PRKACG: variants seen among roughly 807,000 people sequenced by gnomAD.
The protein encoded by PRKACG is protein kinase cAMP-activated catalytic subunit gamma.
PRKACG carries 24 observed loss-of-function variants against 25.6 expected under a neutral mutation model. The ratio of observed to expected loss-of-function variants is 0.94; its 90% confidence interval spans 0.68 to 1.32. The LOEUF (loss-of-function observed/expected upper bound fraction) is 1.32, where lower values mean the gene tolerates loss of function less well. Among genes scored for constraint, PRKACG ranks in the 40% most tolerant of loss-of-function variants. The probability of loss-of-function intolerance (pLI) is 0.00; values close to 1 mark genes in which losing one functional copy is unlikely to be tolerated. For synonymous variants in PRKACG, 202 were observed against 195.9 expected (o/e 1.03, Z -0.26); for missense variants, 481 against 462.9 (o/e 1.04, Z -0.36).
Position 69,013,103 on chromosome 9 carries a change from GT to G in PRKACG, c.989del (p.Asp330AlafsTer59). 6.2e-7 allele frequency: 1 copy of G among 1,614,202 alleles called. No homozygotes were observed. The highest frequency in any genetic ancestry group is 8.5e-7 in the Non-Finnish European group (1 of 1,180,050). On this transcript the variant is annotated frameshift_variant, in exon 1 of 1. Transcript: ENST00000377276. LOFTEE classifies it high-confidence loss of function. ...TGPGDASNFD[D>X]YEEEELRISI... ...AGATCCGGAGCTCTTCCTCCTCGTA[GT>G]CGTCAAAGTTACTGGCATCCCCAGG...
In PRKACG at chr9:69,013,064, C is replaced by T; in HGVS notation, c.1029G>A (p.Lys343=). The T allele has an allele frequency of 6.2e-7, 1 of 1,614,186 alleles. No homozygotes were observed. The highest frequency in any genetic ancestry group is 8.5e-7 in the Non-Finnish European group (1 of 1,180,040). ...AAAACTCAGAAAACTCCTTGGCACACTTCTCATTGATGGAGATCCGGAGCT... is the reference window on the plus strand; with the variant it reads ...AAAACTCAGAAAACTCCTTGGCACATTTCTCATTGATGGAGATCCGGAGCT... The part of the protein sequence containing the change: ...EEELRISINE[K]CAKEFSEF Residue 343 remains lysine (K), a synonymous_variant, in exon 1 of 1, where the codon AAG becomes AAA. Coordinates refer to ENST00000377276, the MANE Select transcript of PRKACG (RefSeq NM_002732.4).
Position 69,013,953 on chromosome 9 carries a change from A to G in PRKACG, c.140T>C (p.Leu47Pro). 2 of 1,613,728 alleles carry G rather than the reference A, an allele frequency of 1.2e-6. No homozygotes were observed. Among genetic ancestry groups the G allele is most frequent in the Non-Finnish European group, 1.7e-6 (2 of 1,179,974 alleles). Residue 47 changes from leucine to proline, a missense_variant, in exon 1 of 1, where the codon CTC becomes CCC. Physicochemically the swap from Leu to Pro is moderately conservative, Grantham distance 98. Coordinates refer to ENST00000377276, the MANE Select transcript of PRKACG (RefSeq NM_002732.4). ...GAAGGAGCCCATGCCCAGCGTCCTGAGCCGTTCGAACTGATCCGAGCTGGC... is the reference window on the plus strand; with the variant it reads ...GAAGGAGCCCATGCCCAGCGTCCTGGGCCGTTCGAACTGATCCGAGCTGGC... The part of the protein sequence containing the change: ...NTASSDQFER[L>P]RTLGMGSFGR...
In PRKACG at chr9:69,013,391, C is replaced by G. The variant is rs1443672520; in HGVS notation, c.702G>C (p.Val234=). ...GGTCGGCGTAGAAGGGTGGGAAGCC[C>G]ACGGCCATCTCATAGATGAGCACCC... ...ALGVLIYEMA[V]GFPPFYADQP... is the part of the protein sequence containing the mutation. The change falls in exon 1 of 1, where the codon GTG becomes GTC. Residue 234 remains valine (V), a synonymous_variant. Transcript: ENST00000377276. 1 of 1,613,582 alleles carries G rather than the reference C, an allele frequency of 6.2e-7. No homozygotes were observed. Among genetic ancestry groups the G allele is most frequent in the Non-Finnish European group, 8.5e-7 (1 of 1,180,006 alleles).
chr9:69,013,751 G>A lies in PRKACG; in HGVS notation c.342C>T (p.Asn114=), dbSNP rs1353253816. ...LVKLQFSFKD[N]SYLYLVMEYV... ...ACTCCATCACCAGGTACAGGTAGGAGTTGTCCTTAAAGGAGAACTGGAGCT... is the reference window on the plus strand; with the variant it reads ...ACTCCATCACCAGGTACAGGTAGGAATTGTCCTTAAAGGAGAACTGGAGCT... Residue 114 remains asparagine (N), a synonymous_variant, in exon 1 of 1, where the codon AAC becomes AAT. Transcript: ENST00000377276. The A allele has an allele frequency of 1.2e-6, 2 of 1,614,094 alleles. No individual in the cohort carries two copies. The highest frequency in any genetic ancestry group is 1.1e-5 in the South Asian group (1 of 91,088).
At position 69,013,117 on chromosome 9, in the gene PRKACG, T is replaced by C. The variant is rs199894106; in HGVS notation, c.976A>G (p.Ser326Gly). 6.2e-7 allele frequency: 1 copy of C among 1,614,210 alleles called. No homozygotes were observed. Among genetic ancestry groups the C allele is most frequent in the Non-Finnish European group, 8.5e-7 (1 of 1,180,036 alleles). Residue 326 changes from serine to glycine, a missense_variant, in exon 1 of 1, where the codon AGT (serine) becomes GGT (glycine). Ser to Gly is a moderately conservative substitution (Grantham distance 56). Transcript: ENST00000377276. Reference protein sequence around the residue: ...IPKYTGPGDASNFDDYEEEEL... With the variant: ...IPKYTGPGDAGNFDDYEEEEL... The stretch of plus-strand genomic sequence containing the variant: ...TCCTCCTCGTAGTCGTCAAAGTTAC[T>C]GGCATCCCCAGGGCCTGTGTACTTC...
Position 69,013,208 on chromosome 9 carries a change from G to T in PRKACG, c.885C>A (p.His295Gln). 6.2e-7 allele frequency: 1 copy of T among 1,614,158 alleles called. No homozygotes were observed. Among genetic ancestry groups the T allele is most frequent in the Non-Finnish European group, 8.5e-7 (1 of 1,180,028 alleles). ...LRNGVGDIKN[H>Q]KWFATTSWIA... Reference sequence around the variant, plus strand: ...TCCAGCTGGTTGTGGCGAACCACTTGTGGTTCTTGATGTCGCCAACCCCGT... The same window carrying T: ...TCCAGCTGGTTGTGGCGAACCACTTTTGGTTCTTGATGTCGCCAACCCCGT... The change falls in exon 1 of 1, where the codon CAC becomes CAA. Residue 295 changes from histidine (H) to glutamine (Q), a missense_variant. By Grantham distance (24) the His-to-Gln change is conservative (BLOSUM62 0). Transcript: ENST00000377276.
chr9:69,013,148 G>A lies in PRKACG; in HGVS notation c.945C>T (p.Phe315=). Residue 315 remains phenylalanine (F), a synonymous_variant, in exon 1 of 1, where the codon TTC becomes TTT. Transcript: ENST00000377276. The part of the protein sequence containing the change: ...AIYEKKVEAP[F]IPKYTGPGDA... ...CCCCAGGGCCTGTGTACTTCGGGAT[G>A]AAGGGAGCTTCCACCTTCTTCTCAT... is the stretch of plus-strand genomic sequence containing the variant. The A allele has an allele frequency of 1.2e-6, 2 of 1,614,196 alleles. No individual in the cohort carries two copies. The highest frequency in any genetic ancestry group is 1.7e-6 in the Non-Finnish European group (2 of 1,180,044).
Position 69,013,282 on chromosome 9 carries a change from G to A in PRKACG, c.811C>T (p.Arg271Trp), listed in dbSNP as rs765608004. The change falls in exon 1 of 1, where the codon CGG becomes TGG. Residue 271 changes from arginine (R) to tryptophan (W), a missense_variant. Transcript: ENST00000377276. ...KLSSDLKHLL[R>W]SLLQVDLTKR... ...GTGAGGTCCACCTGCAGCAGGCTCCGCAGCAGATGCTTGAGGTCAGAGCTG... is the reference window on the plus strand; with the variant it reads ...GTGAGGTCCACCTGCAGCAGGCTCCACAGCAGATGCTTGAGGTCAGAGCTG... The A allele has an allele frequency of 1.2e-6, 2 of 1,613,978 alleles. No individual in the cohort carries two copies. Among genetic ancestry groups the A allele is most frequent in the South Asian group, 1.1e-5 (1 of 91,082 alleles).
rs371210848 is a variant in PRKACG, at chr9:69,013,630, C to A, written c.463G>T (p.Val155Phe). 4 of 1,613,456 alleles carry A rather than the reference C, an allele frequency of 2.5e-6. No individual in the cohort carries two copies. The African/African-American group carries it at 4.0e-5, about 16-fold the overall frequency. Residue 155 changes from valine to phenylalanine, a missense_variant, in exon 1 of 1, where the codon GTC (valine) becomes TTC (phenylalanine). Coordinates refer to ENST00000377276, the MANE Select transcript of PRKACG (RefSeq NM_002732.4). Reference sequence around the variant, plus strand: ...AGGTCGAGCGAGTGTAGGTACTGGACGGCCAGGACGACCTGGGCGGCATAG... The same window carrying A: ...AGGTCGAGCGAGTGTAGGTACTGGAAGGCCAGGACGACCTGGGCGGCATAG... Reference protein sequence around the residue: ...CFYAAQVVLAVQYLHSLDLIH... With the variant: ...CFYAAQVVLAFQYLHSLDLIH...
rs758146195 is a variant in PRKACG at position 69,013,442 on chromosome 9, G to T, written c.651C>A (p.Asn217Lys). Residue 217 changes from asparagine to lysine, a missense_variant, in exon 1 of 1, where the codon AAC becomes AAA. Transcript: ENST00000377276. ...APEIILSKGY[N>K]KAVDWWALGV... Reference sequence around the variant, plus strand: ...CTAGGGCCCACCAGTCCACGGCCTTGTTGTAGCCTTTGCTCAGGATGATCT... The same window carrying T: ...CTAGGGCCCACCAGTCCACGGCCTTTTTGTAGCCTTTGCTCAGGATGATCT... 3 of 1,613,792 alleles carry T rather than the reference G, an allele frequency of 1.9e-6. No individual in the cohort carries two copies. The highest frequency in any genetic ancestry group is 3.3e-5 in the Admixed American group (2 of 60,012).
chr9:69,013,753 T>A lies in PRKACG; in HGVS notation c.340A>T (p.Asn114Tyr). The A allele has an allele frequency of 6.2e-7, 1 of 1,613,990 alleles. No homozygotes were observed. Among genetic ancestry groups the A allele is most frequent in the East Asian group, 2.2e-5 (1 of 44,816 alleles). ...TCCATCACCAGGTACAGGTAGGAGT[T>A]GTCCTTAAAGGAGAACTGGAGCTTG... The part of the protein sequence containing the change: ...LVKLQFSFKD[N>Y]SYLYLVMEYV... The change falls in exon 1 of 1, where the codon AAC (asparagine) becomes TAC (tyrosine). Residue 114 changes from asparagine to tyrosine, a missense_variant. Coordinates refer to ENST00000377276, the MANE Select transcript of PRKACG (RefSeq NM_002732.4).
chr9:69,012,840 G>GA lies in PRKACG; in HGVS notation c.*196_*197insT. Reference sequence around the variant, plus strand: ...ACAGAGGGACCAGGAAGGCATGGGGGGGGGTGAGGGAGCAGCTGGTGTTTC... The same window carrying GA: ...ACAGAGGGACCAGGAAGGCATGGGGGAGGGGTGAGGGAGCAGCTGGTGTTTC... On this transcript the variant is annotated 3_prime_UTR_variant, in exon 1 of 1. Transcript: ENST00000377276. 1.7e-6 allele frequency: 1 copy of GA among 572,710 alleles called. No individual in the cohort carries two copies. The highest frequency in any genetic ancestry group is 2.2e-5 in the South Asian group (1 of 45,052). The allele number at this position is 572,710 out of a possible 1,614,324, so 35.5% of individuals were successfully genotyped here. A position where few individuals can be genotyped will look rare whatever the true frequency, so the allele number is the denominator to read the frequency against.
Position 69,014,077 on chromosome 9 carries a change from C to CT in PRKACG, c.15_16insA (p.Ala6SerfsTer107), listed in dbSNP as rs533914290. On this transcript the variant is annotated frameshift_variant, in exon 1 of 1. Coordinates refer to ENST00000377276, the MANE Select transcript of PRKACG (RefSeq NM_002732.4). LOFTEE classifies it high-confidence loss of function. ...TCCTCCTGCTCGGTGTCCTTCTTGGCGGGGGCGTTGCCCATGGCGGTGGCG... is the reference window on the plus strand; with the variant it reads ...TCCTCCTGCTCGGTGTCCTTCTTGGCTGGGGGCGTTGCCCATGGCGGTGGCG... The CT allele has an allele frequency of 4.2e-5, 67 of 1,601,198 alleles. No individual in the cohort carries two copies. In the South Asian group the frequency reaches 6.5e-4, roughly 16 times the overall value.
Position 69,013,997 on chromosome 9 carries a change from T to G in PRKACG, c.96A>C (p.Gly32=), listed in dbSNP as rs760023967. The part of the protein sequence containing the change: ...KARGDFLYRW[G]NPAQNTASSD... ...AGCTGGCGGTGTTTTGAGCGGGGTT[T>G]CCCCATCTGTAGAGGAAATCTCCTC... The change falls in exon 1 of 1, where the codon GGA becomes GGC. Residue 32 remains glycine, a synonymous_variant. Transcript: ENST00000377276. 1 of 1,613,590 alleles carries G rather than the reference T, an allele frequency of 6.2e-7. No homozygotes were observed. The highest frequency in any genetic ancestry group is 2.2e-5 in the East Asian group (1 of 44,854).
Position 69,013,963 on chromosome 9 carries a change from A to C in PRKACG, c.130T>G (p.Phe44Val). The C allele has an allele frequency of 6.2e-7, 1 of 1,613,732 alleles. No individual in the cohort carries two copies. ...ATGCCCAGCGTCCTGAGCCGTTCGA[A>C]CTGATCCGAGCTGGCGGTGTTTTGA... is the stretch of plus-strand genomic sequence containing the variant. ...PAQNTASSDQ[F>V]ERLRTLGMGS... Residue 44 changes from phenylalanine to valine, a missense_variant, in exon 1 of 1, where the codon TTC becomes GTC. Transcript: ENST00000377276.
Position 69,013,345 on chromosome 9 carries a change from T to A in PRKACG, c.748A>T (p.Lys250Ter), listed in dbSNP as rs1440153605. ...YADQPIQIYE[K>*]IVSGRVRFPS... ...AACCGCACCCTCCCAGAGACGATCT[T>A]CTCGTAGATCTGGATGGGCTGGTCG... is the stretch of plus-strand genomic sequence containing the variant. The change falls in exon 1 of 1, where the codon AAG becomes TAG. Residue 250 changes from lysine (K) to a stop codon, truncating the protein, a stop_gained. Transcript: ENST00000377276. LOFTEE classifies it high-confidence loss of function. 1 of 1,613,930 alleles carries A rather than the reference T, an allele frequency of 6.2e-7. No individual in the cohort carries two copies. The highest frequency in any genetic ancestry group is 1.3e-5 in the African/African-American group (1 of 74,896).
In PRKACG at chr9:69,013,832, C is replaced by T. The variant is rs1374796416; in HGVS notation, c.261G>A (p.Glu87=). The part of the protein sequence containing the change: ...KQKVVKMKQV[E]HILNEKRILQ... Reference sequence around the variant, plus strand: ...GGATGCGCTTCTCGTTCAGTATGTGCTCGACCTGCTTCATCTTCACCACCT... The same window carrying T: ...GGATGCGCTTCTCGTTCAGTATGTGTTCGACCTGCTTCATCTTCACCACCT... Residue 87 remains glutamate, a synonymous_variant, in exon 1 of 1, where the codon GAG becomes GAA. Coordinates refer to ENST00000377276, the MANE Select transcript of PRKACG (RefSeq NM_002732.4). The T allele has an allele frequency of 5.6e-6, 9 of 1,613,872 alleles. No homozygotes were observed. The highest frequency in any genetic ancestry group is 7.6e-6 in the Non-Finnish European group (9 of 1,180,012).
In PRKACG at chr9:69,012,812, A is replaced by C; in HGVS notation, c.*225T>G. 1.9e-6 allele frequency: 1 copy of C among 540,236 alleles called. No individual in the cohort carries two copies. The highest frequency in any genetic ancestry group is 3.3e-5 in the Admixed American group (1 of 30,320). The allele number at this position is 540,236 out of a possible 1,614,324, so 33.5% of individuals were successfully genotyped here. A position where few individuals can be genotyped will look rare whatever the true frequency, so the allele number is the denominator to read the frequency against. ...GACCCTGTGGGAGGAGAAAGAGAGA[A>C]GCACAGAGGGACCAGGAAGGCATGG... On this transcript the variant is annotated 3_prime_UTR_variant, in exon 1 of 1. Transcript: ENST00000377276.
Position 69,013,162 on chromosome 9 carries a change from CCTT to C in PRKACG, c.928_930del (p.Lys310del), listed in dbSNP as rs761115327. 2.5e-6 allele frequency: 4 copies of C among 1,614,192 alleles called. No individual in the cohort carries two copies. The highest frequency in any genetic ancestry group is 3.3e-5 in the Admixed American group (2 of 60,024). ...TACTTCGGGATGAAGGGAGCTTCCA[CCTT>C]CTTCTCATAGATGGCGATCCAGCTG... On this transcript the variant is annotated inframe_deletion, in exon 1 of 1. Transcript: ENST00000377276.
Sources: allele counts gnomAD v4.1 joint callset, GRCh38; gene constraint gnomAD v4.1.1; transcripts MANE v1.5; gene names NCBI Gene and HGNC (gene_info 2026-07-23, HGNC 2026-07-21).